Variants in GABRA2 observed in about 807,000 individuals in gnomAD.
GABRA2 encodes gamma-aminobutyric acid type A receptor subunit alpha2, also known as gamma-aminobutyric acid receptor subunit alpha-2.
Under a neutral mutation model 48.7 loss-of-function variants are expected in GABRA2, and 16 were observed. The observed-to-expected ratio is 0.33, with a 90% CI of 0.22 to 0.50. GABRA2 has a LOEUF of 0.50. Ranked by LOEUF, GABRA2 falls within the 20% of genes least tolerant of loss-of-function variation. GABRA2 has a pLI of 0.98. For missense variants in GABRA2, 275 were observed against 535.6 expected (o/e 0.51, Z 4.80); for synonymous variants, 185 against 184.5 (o/e 1.00, Z -0.02).
chr4:46,254,968 C>A (rs1306429587), intron 9 of GABRA2, among the ~76,000 whole-genome samples: 1 of 151,552 alleles, frequency 6.6e-6, no homozygotes, highest in Non-Finnish European at 1.5e-5. Flanking sequence ...TTACCATAAC[C>A]AGGCTAACAC....
At chr4:46,273,758 T>A (rs1363343888) in intron 8 of GABRA2, among the ~76,000 whole-genome samples, 4 of 151,892 alleles carry the variant, frequency 2.6e-5, no homozygotes, top group Non-Finnish European at 5.9e-5. Flanking sequence ...TTCTGTTTCT[T>A]GTATCTCTGC....
rs148139959 is a variant in GABRA2 at position 46,370,908 on chromosome 4, C to A, written c.187+15166G>T. On this transcript the variant is annotated intron_variant, in intron 3 of 9. Coordinates refer to ENST00000381620, the MANE Select transcript of GABRA2 (RefSeq NM_000807.4). ...TTGAAACAAGCCACACACACACACA[C>A]AACACACACACACAAAACCACAGGA... Among the ~76,000 whole-genome samples, 1,204 of 151,940 alleles carry A rather than the reference C, an allele frequency of 7.9e-3. 10 individuals carry two copies. The highest frequency in any genetic ancestry group is 0.011 in the Non-Finnish European group (766 of 67,908).
At chr4:46,371,175 C>A (rs1267892970) in intron 3 of GABRA2, among the ~76,000 whole-genome samples, 1 of 152,068 alleles carries the variant, frequency 6.6e-6, no homozygotes, top group African/African-American at 2.4e-5. Context: ...AATTAAAGTA[C>A]AATGTTTTTC....
chr4:46,279,662 C>G (rs1327329715), intron 8 of GABRA2, among the ~76,000 whole-genome samples: 1 of 151,970 alleles, frequency 6.6e-6, no homozygotes, highest in Admixed American at 6.6e-5. Flanking sequence ...TAAAGTTTTA[C>G]AGATTCATTA....
At chr4:46,377,520 G>A (rs1329782315) in intron 3 of GABRA2, among the ~76,000 whole-genome samples, 1 of 151,122 alleles carries the variant, frequency 6.6e-6, no homozygotes, top group Non-Finnish European at 1.5e-5. Context: ...TCTGAGAAGT[G>A]AGGAGCCCCT....
intron 8 of GABRA2, among the ~76,000 whole-genome samples, chr4:46,296,120 C>CT (rs1724601480): frequency 6.6e-6 from 1 of 152,116 alleles, no homozygotes; most frequent in Admixed American, 6.6e-5. Flanking sequence ...GGGCAAAGTT[C>CT]TCCAGAAGGC....
chr4:46,361,379 G>A (rs1049611119), intron 3 of GABRA2, among the ~76,000 whole-genome samples: 1 of 152,168 alleles, frequency 6.6e-6, no homozygotes, highest in Non-Finnish European at 1.5e-5. Flanking sequence ...GCTTCAGAGG[G>A]TGGAATCCCC....
chr4:46,277,126 C>T (rs560795772), intron 8 of GABRA2, among the ~76,000 whole-genome samples: 2 of 152,236 alleles, frequency 1.3e-5, no homozygotes, highest in Admixed American at 6.5e-5. Flanking sequence ...GTGTGAATTA[C>T]AAATCAAGTC....
At chr4:46,320,093 T>C (rs1356722584) in intron 4 of GABRA2, among the ~76,000 whole-genome samples, 2 of 151,850 alleles carry the variant, frequency 1.3e-5, no homozygotes, top group Non-Finnish European at 2.9e-5. Flanking sequence ...ATTTCCTTCT[T>C]TCATAGATCA....
chr4:46,310,242 C>T lies in GABRA2; in HGVS notation c.490G>A (p.Ala164Thr). 1 of 1,613,520 alleles carries T rather than the reference C, an allele frequency of 6.2e-7. No homozygotes were observed. ...LLYTMRLTVQ[A>T]ECPMHLEDFP... ...TCCTCCAAGTGCATTGGGCATTCAG[C>T]TTGAACTGTAAGCCTAAAAGTCAAA... The change falls in exon 6 of 10, where the codon GCT (alanine) becomes ACT (threonine). Residue 164 changes from alanine to threonine, a missense_variant. Ala to Thr is a moderately conservative substitution (Grantham distance 58, BLOSUM62 0). Transcript: ENST00000381620.
chr4:46,254,269 G>A (rs1453581782), intron 9 of GABRA2, among the ~76,000 whole-genome samples: 3 of 151,256 alleles, frequency 2.0e-5, no homozygotes, highest in Non-Finnish European at 3.0e-5. Context: ...TGAATCCTTG[G>A]GCCACATGAC....
intron 8 of GABRA2, among the ~76,000 whole-genome samples, chr4:46,288,828 T>C (rs942305463): frequency 2.0e-5 from 3 of 151,994 alleles, no homozygotes; most frequent in Admixed American, 2.0e-4. Context: ...GAAAAAGGTC[T>C]AACATCCAGC....
intron 9 of GABRA2, chr4:46,256,046 T>C (rs1177351999): frequency 4.9e-6 from 2 of 410,322 alleles, no homozygotes; most frequent in African/African-American, 4.1e-5. Flanking sequence ...GGCAAATCTA[T>C]GCTTTTTCTA....
chr4:46,375,075 G>T (rs1715488704), intron 3 of GABRA2, among the ~76,000 whole-genome samples: 1 of 152,030 alleles, frequency 6.6e-6, no homozygotes, highest in African/African-American at 2.4e-5. Context: ...AATTAAGATT[G>T]CACCTTAAAA....
At chr4:46,320,020 T>C (rs921801779) in intron 4 of GABRA2, among the ~76,000 whole-genome samples, 1 of 151,804 alleles carries the variant, frequency 6.6e-6, no homozygotes, top group African/African-American at 2.4e-5. Flanking sequence ...TGTTTCTAAA[T>C]ACCATGGTCT....
At chr4:46,300,437 T>A (rs1725539791) in intron 8 of GABRA2, among the ~76,000 whole-genome samples, 1 of 152,026 alleles carries the variant, frequency 6.6e-6, no homozygotes, top group South Asian at 2.1e-4. Flanking sequence ...TTAGGATTTT[T>A]AAAGATTCTG....
At chr4:46,367,731 ATCTTG>A (rs1714265560) in intron 3 of GABRA2, 1 of 152,160 alleles carries the variant, frequency 6.6e-6, no homozygotes, top group Admixed American at 6.6e-5. Flanking sequence ...AGAATTATAC[ATCTTG>A]AAATGAGATA....
chr4:46,355,185 T>C (rs1735765881), intron 3 of GABRA2, among the ~76,000 whole-genome samples: 1 of 152,186 alleles, frequency 6.6e-6, no homozygotes, highest in Admixed American at 6.6e-5. Flanking sequence ...CCCAATGTCT[T>C]ACTTTATTTT....
intron 8 of GABRA2, among the ~76,000 whole-genome samples, chr4:46,289,588 TA>T (rs1723194527): frequency 6.6e-6 from 1 of 151,816 alleles, no homozygotes; most frequent in Non-Finnish European, 1.5e-5. Context: ...CAGGAAAAAA[TA>T]ACGAATAGGT....
Sources: gnomAD v4.1 joint callset for allele counts (sites outside exome capture counted in the v4.1 genomes callset) on GRCh38, gnomAD v4.1.1 for gene constraint, MANE v1.5 for transcripts, NCBI Gene and HGNC (gene_info 2026-07-23, HGNC 2026-07-21) for gene names.